The following SELE variants were observed in gnomAD, a reference collection of about 807,000 sequenced individuals.
SELE encodes the protein selectin E, also known as E-selectin.
SELE carries 52 observed loss-of-function variants against 75.8 expected under a neutral mutation model. The ratio of observed to expected loss-of-function variants is 0.69; its 90% CI spans 0.55 to 0.86. SELE has a LOEUF of 0.86. Ranked by LOEUF, SELE falls within the 40% of genes least tolerant of loss-of-function variation. The pLI is 0.00. For synonymous variants in SELE, 285 were observed against 258.7 expected (o/e 1.10, Z -0.98); for missense variants, 754 against 732.7 (o/e 1.03, Z -0.34).
At chr1:169,733,494 G>A in intron 2 of SELE, 82 bp downstream of exon 2, 1 of 1,369,804 alleles carries the variant, frequency 7.3e-7, no homozygotes, top group Non-Finnish European at 1.0e-6. Context: ...GTGCAGGACA[G>A]CCCCAGACAA....
intron 6 of SELE, 38 bp downstream of exon 6, chr1:169,729,450 G>A (rs1648854376): frequency 6.2e-7 from 1 of 1,609,790 alleles, no homozygotes; most frequent in African/African-American, 1.3e-5. Flanking sequence ...TTGAGAGAAA[G>A]AATGTTCACA....
intron 3 of SELE, 72 bp from the exon 4 acceptor site, chr1:169,732,014 C>G (rs931644524): frequency 1.2e-6 from 1 of 868,498 alleles, no homozygotes. Context: ...ATTTTAGAAT[C>G]AACAGTGTGC....
At position 169,731,884 on chromosome 1, in the gene SELE, A is replaced by G. The variant is rs1440730592; in HGVS notation, c.480T>C (p.Asn160=). 9 of 1,613,860 alleles carry G rather than the reference A, an allele frequency of 5.6e-6. No individual in the cohort carries two copies. The highest frequency in any genetic ancestry group is 7.6e-6 in the Non-Finnish European group (9 of 1,179,828). Residue 160 remains asparagine (N), a synonymous_variant, in exon 4 of 14, where the codon AAT becomes AAC. Transcript: ENST00000333360. ...AGCCAGGGTCACACTTGCAAGTGTAATTATTGATGGTCTCTACACATTCAC... is the reference window on the plus strand; with the variant it reads ...AGCCAGGGTCACACTTGCAAGTGTAGTTATTGATGGTCTCTACACATTCAC... ...GHGECVETIN[N]YTCKCDPGFS... is the part of the protein sequence containing the mutation.
In SELE at chr1:169,726,764, G is replaced by GCGGAGAGTCCAGCAT; in HGVS notation, c.1687_1688insATGCTGGACTCTCCG (p.Ser562_Ala563insAspAlaGlyLeuSer). ...TAATGTCAGGAGGGAGAGTCCAGCAGCAGAAAGTCCAGCTACCAAGGGAAT... is the reference window on the plus strand; with the variant it reads ...TAATGTCAGGAGGGAGAGTCCAGCAGCGGAGAGTCCAGCATCAGAAAGTCCAGCTACCAAGGGAAT... On this transcript the variant is annotated inframe_insertion, in exon 11 of 14. Coordinates refer to ENST00000333360, the MANE Select transcript of SELE (RefSeq NM_000450.2). 2 of 1,613,870 alleles carry GCGGAGAGTCCAGCAT rather than the reference G, an allele frequency of 1.2e-6. No individual in the cohort carries two copies. The highest frequency in any genetic ancestry group is 1.7e-6 in the Non-Finnish European group (2 of 1,179,902).
chr1:169,733,222 A>G (rs1005389947), intron 2 of SELE, among the ~76,000 whole-genome samples: 9 of 152,220 alleles, frequency 5.9e-5, no homozygotes, highest in Non-Finnish European at 1.0e-4. Flanking sequence ...CACTCACAAC[A>G]TTATAGTATA....
chr1:169,728,461 G>A (rs1399785277), intron 7 of SELE, among the ~76,000 whole-genome samples: 1 of 152,214 alleles, frequency 6.6e-6, no homozygotes, highest in African/African-American at 2.4e-5. Context: ...CAGAACATTA[G>A]TTCCTGAGCA....
At chr1:169,733,035 G>C (rs2101994214) in intron 2 of SELE, 37 bp from the exon 3 acceptor site, 1 of 1,515,204 alleles carries the variant, frequency 6.6e-7, no homozygotes, top group East Asian at 2.3e-5. Flanking sequence ...GTAGAGTTTG[G>C]TACTGTTGTG....
chr1:169,725,679 A>G, intron 13 of SELE, 50 bp downstream of exon 13: 1 of 1,457,034 alleles, frequency 6.9e-7, no homozygotes, highest in African/African-American at 1.4e-5. Flanking sequence ...GAAACAGAGC[A>G]TGTAGAGAAG....
chr1:169,733,529 T>A, intron 2 of SELE, 47 bp downstream of exon 2: 1 of 1,573,516 alleles, frequency 6.4e-7, no homozygotes, highest in Non-Finnish European at 8.7e-7. Context: ...GTCTGAAATA[T>A]CTATAGTGCG....
chr1:169,727,993 AC>A, intron 8 of SELE, 64 bp downstream of exon 8: 1 of 1,587,054 alleles, frequency 6.3e-7, no homozygotes. Flanking sequence ...TCCCAAGGTA[AC>A]CAAGTTCCCA....
intron 3 of SELE, among the ~76,000 whole-genome samples, chr1:169,732,391 CATATATGTGTGTGTGT>C (rs1358123569): frequency 6.8e-6 from 1 of 146,706 alleles, no homozygotes; most frequent in East Asian, 2.1e-4. Flanking sequence ...TACACACACA[CATATATGTGTGTGTGT>C]ATATATGTGT....
At chr1:169,726,645 G>T in intron 11 of SELE, 54 bp downstream of exon 11, 2 of 1,222,246 alleles carry the variant, frequency 1.6e-6, no homozygotes, top group Non-Finnish European at 2.4e-6. Flanking sequence ...TTATCAATGA[G>T]AAAGAAATGT....
chr1:169,724,990 C>T (rs967923569), intron 13 of SELE, among the ~76,000 whole-genome samples: 1 of 152,128 alleles, frequency 6.6e-6, no homozygotes, highest in Non-Finnish European at 1.5e-5. Context: ...ATTTTAGAAC[C>T]AGACTGCCAG....
intron 5 of SELE, among the ~76,000 whole-genome samples, chr1:169,729,888 T>C (rs938719260): frequency 1.3e-5 from 2 of 152,188 alleles, no homozygotes; most frequent in Non-Finnish European, 2.9e-5. Context: ...CTATGCTGAG[T>C]GGTCTCTAAT....
intron 7 of SELE, 24 bp downstream of exon 7, chr1:169,729,162 T>G (rs769458187): frequency 6.4e-7 from 1 of 1,563,778 alleles, no homozygotes; most frequent in Non-Finnish European, 8.7e-7. Flanking sequence ...TAAGAAAGTA[T>G]AAATCGAAGG....
Position 169,728,148 on chromosome 1 carries a change from A to C in SELE, c.1189T>G (p.Ser397Ala). ...SFRYGSSCEF[S>A]CEQGFVLKGS... ...TTCAACACAAAACCCTGCTCACAGG[A>C]GAACTCACAGCTGGACCCATAACGG... Residue 397 changes from serine (S) to alanine (A), a missense_variant, in exon 8 of 14, where the codon TCC becomes GCC. Physicochemically the swap from Ser to Ala is moderately conservative, Grantham distance 99. Transcript: ENST00000333360. The C allele has an allele frequency of 6.2e-7, 1 of 1,614,216 alleles. No homozygotes were observed. The highest frequency in any genetic ancestry group is 8.5e-7 in the Non-Finnish European group (1 of 1,180,036).
intron 10 of SELE, 43 bp from the exon 11 acceptor site, chr1:169,726,849 A>G: frequency 7.2e-7 from 1 of 1,389,450 alleles, no homozygotes; most frequent in Non-Finnish European, 1.0e-6. Flanking sequence ...GGAAGAATTG[A>G]TGTTAAAGTC....
intron 5 of SELE, among the ~76,000 whole-genome samples, chr1:169,730,076 A>G (rs1402780058): frequency 6.6e-6 from 1 of 152,142 alleles, no homozygotes; most frequent in African/African-American, 2.4e-5. Flanking sequence ...AGAAAAAGAG[A>G]TACTAAGACT....
In SELE at chr1:169,733,581, G is replaced by A. The variant is rs372841835; in HGVS notation, c.32C>T (p.Thr11Ile). The A allele has an allele frequency of 1.8e-5, 29 of 1,613,856 alleles. 1 individual carries two copies. Among genetic ancestry groups the A allele is most frequent in the Non-Finnish European group, 2.4e-5 (28 of 1,179,836 alleles). The change falls in exon 2 of 14, where the codon ACT becomes ATT. Residue 11 changes from threonine to isoleucine, a missense_variant. Physicochemically the swap from Thr to Ile is moderately conservative, Grantham distance 89 (BLOSUM62 -1). Coordinates refer to ENST00000333360, the MANE Select transcript of SELE (RefSeq NM_000450.2). ...GTCTAATGGCACTGACTTACCCAAA[G>A]TGAGAGCTGAGAGAAACTGTGAAGC... MIASQFLSAL[T>I]LVLLIKESGA... is the part of the protein sequence containing the mutation.
Sources: allele counts gnomAD v4.1 joint callset (sites outside exome capture counted in the v4.1 genomes callset), GRCh38; gene constraint gnomAD v4.1.1; transcripts MANE v1.5; gene names NCBI Gene and HGNC (gene_info 2026-07-23, HGNC 2026-07-21).